Variants in KIAA0825 observed in about 807,000 individuals in gnomAD.
The protein encoded by KIAA0825 is uncharacterized protein KIAA0825.
In KIAA0825, 119 loss-of-function variants were observed where a neutral mutation model predicts 147.6. The ratio of observed to expected loss-of-function variants is 0.81; its 90% CI spans 0.69 to 0.94. The LOEUF is 0.94. KIAA0825 is among the 40% of genes least tolerant of loss of function. The pLI is 0.00. For missense variants in KIAA0825, 1,381 were observed against 1,472.7 expected, an observed-to-expected ratio of 0.94 and a Z score of 1.02; for synonymous variants, 470 against 518.1, an observed-to-expected ratio of 0.91 and a Z score of 1.26.
intron 20 of KIAA0825, among the ~76,000 whole-genome samples, chr5:94,182,334 A>ACTG (rs1020172919): frequency 1.6e-5 from 2 of 124,612 alleles, no homozygotes; most frequent in African/African-American, 6.2e-5. Flanking sequence ...ATCTTGGCTC[A>ACTG]CTGAAGCCTC....
chr5:94,356,151 G>A (rs1474310305), intron 20 of KIAA0825, among the ~76,000 whole-genome samples: 2 of 152,014 alleles, frequency 1.3e-5, no homozygotes, highest in Admixed American at 6.6e-5. Context: ...GAGCACCAAT[G>A]TACTTATTCA....
At chr5:94,516,003 A>G (rs1206120687) in intron 5 of KIAA0825, among the ~76,000 whole-genome samples, 2 of 152,168 alleles carry the variant, frequency 1.3e-5, no homozygotes, top group African/African-American at 4.8e-5. Context: ...AACAAAACAT[A>G]CAAGCATTAC....
At chr5:94,159,709 G>A (rs1315709797) in intron 20 of KIAA0825, among the ~76,000 whole-genome samples, 1 of 152,008 alleles carries the variant, frequency 6.6e-6, no homozygotes, top group African/African-American at 2.4e-5. Context: ...CATGGCCAAG[G>A]TTGTTTTTGT....
At chr5:94,459,141 C>A (rs1759501773) in intron 12 of KIAA0825, among the ~76,000 whole-genome samples, 1 of 152,106 alleles carries the variant, frequency 6.6e-6, no homozygotes, top group African/African-American at 2.4e-5. Context: ...TGTGGCAGCA[C>A]ATATCAGCAC....
intron 20 of KIAA0825, among the ~76,000 whole-genome samples, chr5:94,325,395 T>C (rs571541200): frequency 3.1e-4 from 47 of 151,972 alleles, no homozygotes; most frequent in African/African-American, 1.1e-3. Flanking sequence ...GAAAACACAA[T>C]TGAAAATAAA....
intron 5 of KIAA0825, among the ~76,000 whole-genome samples, chr5:94,508,341 C>T (rs1171875944): frequency 6.6e-6 from 1 of 152,140 alleles, no homozygotes; most frequent in African/African-American, 2.4e-5. Flanking sequence ...TTCATTACTG[C>T]TTGCTAGCAT....
intron 20 of KIAA0825, among the ~76,000 whole-genome samples, chr5:94,198,371 T>C (rs1320674783): frequency 6.6e-6 from 1 of 152,198 alleles, no homozygotes; most frequent in Non-Finnish European, 1.5e-5. Context: ...CTGTGGTGTT[T>C]TCTAGGGGTA....
chr5:94,256,615 G>A lies in KIAA0825; in HGVS notation c.3711-102491C>T, dbSNP rs182609417. 1.8e-3 allele frequency among the ~76,000 whole-genome samples: 275 copies of A among 152,100 alleles called. 1 individual carries two copies. The highest frequency in any genetic ancestry group is 6.0e-3 in the African/African-American group (247 of 41,500). ...TTTTTAAAGTATTATTAATAAATTCGTGTTTGATATTATTTGAGCTTTGAT... is the reference window on the plus strand; with the variant it reads ...TTTTTAAAGTATTATTAATAAATTCATGTTTGATATTATTTGAGCTTTGAT... On this transcript the variant is annotated intron_variant, in intron 20 of 20. Coordinates refer to ENST00000682413, the MANE Select transcript of KIAA0825 (RefSeq NM_001145678.3).
chr5:94,488,486 G>A (rs1034989734), intron 5 of KIAA0825, among the ~76,000 whole-genome samples: 4 of 152,004 alleles, frequency 2.6e-5, no homozygotes, highest in African/African-American at 9.7e-5. Context: ...TTTAGAGAAA[G>A]TATTTAATTT....
intron 2 of KIAA0825, among the ~76,000 whole-genome samples, chr5:94,571,780 G>A (rs1780007850): frequency 6.6e-6 from 1 of 152,066 alleles, no homozygotes; most frequent in African/African-American, 2.4e-5. Flanking sequence ...GCAAATCAAG[G>A]AAATTCAGTA....
chr5:94,273,302 G>A (rs1777075978), intron 20 of KIAA0825, among the ~76,000 whole-genome samples: 1 of 152,076 alleles, frequency 6.6e-6, no homozygotes, highest in South Asian at 2.1e-4. Flanking sequence ...GTACGGAGAG[G>A]CATTTATTAA....
chr5:94,209,610 G>C (rs920734739), intron 20 of KIAA0825, among the ~76,000 whole-genome samples: 2 of 152,068 alleles, frequency 1.3e-5, no homozygotes, highest in Admixed American at 6.6e-5. Flanking sequence ...AAAAATGTTA[G>C]GAAAATTTTC....
intron 20 of KIAA0825, among the ~76,000 whole-genome samples, chr5:94,286,247 C>T (rs1009054279): frequency 1.3e-5 from 2 of 152,132 alleles, no homozygotes; most frequent in African/African-American, 4.8e-5. Context: ...TAACAAGGTC[C>T]ATGAACAGTA....
intron 20 of KIAA0825, among the ~76,000 whole-genome samples, chr5:94,189,902 GAATT>G (rs1770503321): frequency 6.6e-6 from 1 of 152,036 alleles, no homozygotes; most frequent in Non-Finnish European, 1.5e-5. Flanking sequence ...TCATTAACAT[GAATT>G]TATTCCCCCA....
Position 94,457,420 on chromosome 5 carries a change from T to C in KIAA0825, c.2247-4351A>G, listed in dbSNP as rs1759251239. 2.0e-5 allele frequency among the ~76,000 whole-genome samples: 3 copies of C among 152,244 alleles called. No individual in the cohort carries two copies. In the South Asian group the frequency reaches 6.2e-4, roughly 31 times the overall value. ...TGTCTATAAGTTTGAAGCAGGTACA[T>C]TTCTTCACATTCCCAAATGAACACA... On this transcript the variant is annotated intron_variant, in intron 12 of 20. Transcript: ENST00000682413.
intron 20 of KIAA0825, among the ~76,000 whole-genome samples, chr5:94,352,649 G>A (rs1478215126): frequency 6.6e-6 from 1 of 152,206 alleles, no homozygotes; most frequent in African/African-American, 2.4e-5. Context: ...ATTCACAATT[G>A]CAAAATCATG....
intron 20 of KIAA0825, 65 bp from the exon 21 acceptor site, chr5:94,154,189 T>A (rs1234746815): frequency 1.0e-6 from 1 of 991,430 alleles, no homozygotes; most frequent in African/African-American, 1.6e-5. Flanking sequence ...ACTCAGTTAA[T>A]CAAGTCTTGA....
chr5:94,516,203 T>C (rs1301412518), intron 5 of KIAA0825, among the ~76,000 whole-genome samples: 4 of 152,324 alleles, frequency 2.6e-5, no homozygotes, highest in South Asian at 2.1e-4. Flanking sequence ...AGAGAGATTG[T>C]CACCATATTT....
intron 1 of KIAA0825, chr5:94,615,577 A>C (rs1478112745): frequency 6.6e-6 from 1 of 152,212 alleles, no homozygotes; most frequent in Non-Finnish European, 1.5e-5. Context: ...GTAATTTAAC[A>C]CTGAATAGCA....
Sources: allele counts gnomAD v4.1 joint callset (sites outside exome capture counted in the v4.1 genomes callset), GRCh38; gene constraint gnomAD v4.1.1; transcripts MANE v1.5; gene names NCBI Gene and HGNC (gene_info 2026-07-23, HGNC 2026-07-21).